ERBB4: variants seen among roughly 807,000 people sequenced by gnomAD.
The protein encoded by ERBB4 is erb-b2 receptor tyrosine kinase 4, also known as receptor tyrosine-protein kinase erbB-4.
Under a neutral mutation model 158.0 loss-of-function variants are expected in ERBB4, and 42 were observed. The observed-to-expected ratio is 0.27, with a 90% CI of 0.21 to 0.34. The LOEUF (loss-of-function observed/expected upper bound fraction) is 0.34. Among genes scored for constraint, ERBB4 ranks in the 10% least tolerant of loss-of-function variants. The pLI is 1.00. For synonymous variants in ERBB4, 583 were observed against 558.7 expected, an observed-to-expected ratio of 1.04 and a Z score of -0.61; for missense variants, 1,333 against 1,624.1, an observed-to-expected ratio of 0.82 and a Z score of 3.08.
chr2:212,288,694 T>C (rs181708909), intron 1 of ERBB4, among the ~76,000 whole-genome samples: 1 of 152,142 alleles, frequency 6.6e-6, no homozygotes, highest in East Asian at 1.9e-4. Context: ...TAATTTGTCA[T>C]GGTTGTGTGA....
Position 211,892,643 on chromosome 2 carries a change from T to C in ERBB4, c.421+54787A>G, listed in dbSNP as rs2078998510. 1.4e-5 allele frequency among the ~76,000 whole-genome samples: 2 copies of C among 145,856 alleles called. 1 individual carries two copies. The highest frequency in any genetic ancestry group is 5.3e-5 in the African/African-American group (2 of 37,536). On this transcript the variant is annotated intron_variant, in intron 3 of 27. Transcript: ENST00000342788. ...TTGTCCCTGTTTGCAGATGACGTGA[T>C]TGTATATCTAGAAAACCCCATTGTT... is the stretch of plus-strand genomic sequence containing the variant.
intron 19 of ERBB4, among the ~76,000 whole-genome samples, chr2:211,598,319 C>A (rs1038040860): frequency 5.3e-5 from 8 of 151,678 alleles, no homozygotes; most frequent in Admixed American, 2.0e-4. Flanking sequence ...AAAAATGAAC[C>A]CTGAAAACAG....
At chr2:212,260,184 C>A in intron 1 of ERBB4, among the ~76,000 whole-genome samples, 1 of 151,866 alleles carries the variant, frequency 6.6e-6, no homozygotes, top group East Asian at 1.9e-4. Context: ...AAAATTTTTA[C>A]TTGTTTTTAA....
In ERBB4 at chr2:211,689,778, TA is replaced by T. The variant is rs2072723172; in HGVS notation, c.1490-10595del. ...TCATTTTCTGACATATATCGTTATA[TA>T]CAGTGTTTACATACTCTTGCTAATG... is the stretch of plus-strand genomic sequence containing the variant. On this transcript the variant is annotated intron_variant, in intron 12 of 27. Coordinates refer to ENST00000342788, the MANE Select transcript of ERBB4 (RefSeq NM_005235.3). 3.3e-5 allele frequency among the ~76,000 whole-genome samples: 5 copies of T among 152,084 alleles called. No individual in the cohort carries two copies. In the South Asian group the frequency reaches 1.0e-3, roughly 32 times the overall value.
chr2:211,571,872 G>A (rs1334811062), intron 19 of ERBB4, among the ~76,000 whole-genome samples: 1 of 151,790 alleles, frequency 6.6e-6, no homozygotes, highest in Non-Finnish European at 1.5e-5. Context: ...GATACTACTG[G>A]ATTTGTAAGA....
chr2:211,528,127 A>C (rs2066401389), intron 20 of ERBB4, among the ~76,000 whole-genome samples: 1 of 152,084 alleles, frequency 6.6e-6, no homozygotes. Flanking sequence ...TTCACCTATA[A>C]AGACACACAC....
At chr2:212,193,992 A>G (rs999767835) in intron 1 of ERBB4, among the ~76,000 whole-genome samples, 3 of 152,040 alleles carry the variant, frequency 2.0e-5, no homozygotes, top group Non-Finnish European at 4.4e-5. Flanking sequence ...ACATTTCAAT[A>G]AAACAGTACA....
intron 1 of ERBB4, among the ~76,000 whole-genome samples, chr2:212,255,801 G>A (rs542944033): frequency 6.6e-6 from 1 of 151,830 alleles, no homozygotes; most frequent in Admixed American, 6.6e-5. Context: ...CAAATCACTG[G>A]GTAGGTGCAC....
chr2:211,454,447 T>A (rs1162031411), intron 20 of ERBB4, among the ~76,000 whole-genome samples: 1 of 152,178 alleles, frequency 6.6e-6, no homozygotes, highest in Non-Finnish European at 1.5e-5. Context: ...TTACACTTCT[T>A]AGATAACATT....
At chr2:211,424,687 C>T (rs763604963) in intron 22 of ERBB4, among the ~76,000 whole-genome samples, 1 of 152,042 alleles carries the variant, frequency 6.6e-6, no homozygotes, top group Non-Finnish European at 1.5e-5. Flanking sequence ...AATAAATATG[C>T]TTTTGCCAGT....
chr2:211,571,073 T>C (rs140477653), intron 19 of ERBB4, among the ~76,000 whole-genome samples: 1,392 of 137,332 alleles, frequency 0.01, 18 homozygotes, highest in Admixed American at 0.019. Flanking sequence ...AGACGGAGTC[T>C]TGCTCTGTCG....
chr2:212,176,204 C>G (rs2081657554), intron 1 of ERBB4, among the ~76,000 whole-genome samples: 1 of 151,934 alleles, frequency 6.6e-6, no homozygotes, highest in South Asian at 2.1e-4. Context: ...TATCTTAAAC[C>G]TCTGTCCTCT....
chr2:211,684,332 T>C (rs886422797), intron 12 of ERBB4, among the ~76,000 whole-genome samples: 1 of 152,118 alleles, frequency 6.6e-6, no homozygotes, highest in Non-Finnish European at 1.5e-5. Flanking sequence ...ATGCCTCTAA[T>C]CCCAGTTACT....
At chr2:211,659,740 T>C (rs1344575490) in intron 15 of ERBB4, among the ~76,000 whole-genome samples, 1 of 152,180 alleles carries the variant, frequency 6.6e-6, no homozygotes. Context: ...GTTCCTAGTA[T>C]TCTAGGAGCT....
chr2:211,787,926 CA>C, intron 4 of ERBB4, 98 bp downstream of exon 4: 1 of 1,232,208 alleles, frequency 8.1e-7, no homozygotes, highest in Non-Finnish European at 1.2e-6. Context: ...TGAATGCAAT[CA>C]AAGTTCAAAA....
intron 19 of ERBB4, among the ~76,000 whole-genome samples, chr2:211,582,268 T>C (rs1411011755): frequency 6.6e-6 from 1 of 152,224 alleles, no homozygotes; most frequent in African/African-American, 2.4e-5. Flanking sequence ...TTAATTGTTA[T>C]TGCTTTGTTT....
At chr2:211,816,366 C>T (rs1035644399) in intron 3 of ERBB4, among the ~76,000 whole-genome samples, 1 of 151,284 alleles carries the variant, frequency 6.6e-6, no homozygotes, top group Non-Finnish European at 1.5e-5. Flanking sequence ...CATGATGAAA[C>T]CCCGTCTCTA....
Position 212,223,795 on chromosome 2 carries a change from A to G in ERBB4, c.83-98892T>C, listed in dbSNP as rs564025329. On this transcript the variant is annotated intron_variant, in intron 1 of 27. Coordinates refer to ENST00000342788, the MANE Select transcript of ERBB4 (RefSeq NM_005235.3). Reference sequence around the variant, plus strand: ...TCTGATATATAAGCTTTTATCACCCAATGTAACACTATCACACTGAACTAG... The same window carrying G: ...TCTGATATATAAGCTTTTATCACCCGATGTAACACTATCACACTGAACTAG... Among the ~76,000 whole-genome samples the G allele has an allele frequency of 8.6e-5, 13 of 151,900 alleles. No homozygotes were observed. The South Asian group carries it at 2.7e-3, about 31-fold the overall frequency.
At chr2:212,212,062 C>G (rs1347440322) in intron 1 of ERBB4, among the ~76,000 whole-genome samples, 4 of 151,946 alleles carry the variant, frequency 2.6e-5, no homozygotes, top group African/African-American at 7.3e-5. Flanking sequence ...ATTTGTATTC[C>G]TTTGGGTATA....
Sources: allele counts gnomAD v4.1 joint callset (sites outside exome capture counted in the v4.1 genomes callset), GRCh38; gene constraint gnomAD v4.1.1; transcripts MANE v1.5; gene names NCBI Gene and HGNC (gene_info 2026-07-23, HGNC 2026-07-21).